Variants in NELL1 observed in about 807,000 individuals in gnomAD.
The protein encoded by NELL1 is neural EGFL like 1.
Under a neutral mutation model 107.4 loss-of-function variants are expected in NELL1, and 76 were observed. That is an observed-to-expected ratio of 0.71 (90% CI 0.59 to 0.86). The LOEUF (loss-of-function observed/expected upper bound fraction) is 0.86, where lower values mean the gene tolerates loss of function less well. NELL1 is among the 40% of genes least tolerant of loss of function. The pLI is 0.00. For missense variants in NELL1, 1,024 were observed against 1,005.5 expected, an observed-to-expected ratio of 1.02 and a Z score of -0.25; for synonymous variants, 353 against 341.2, an observed-to-expected ratio of 1.03 and a Z score of -0.38.
intron 4 of NELL1, among the ~76,000 whole-genome samples, chr11:20,857,735 A>G (rs1848909547): frequency 6.6e-6 from 1 of 152,224 alleles, no homozygotes; most frequent in South Asian, 2.1e-4. Context: ...GAGATGATGC[A>G]GGTGAGAGAG....
chr11:20,735,481 TACTC>T (rs1366639970), intron 2 of NELL1, among the ~76,000 whole-genome samples: 3 of 152,152 alleles, frequency 2.0e-5, no homozygotes, highest in Non-Finnish European at 4.4e-5. Flanking sequence ...TGTGAGAACT[TACTC>T]ACTATCATGA....
chr11:21,323,838 T>C (rs1850066947), intron 14 of NELL1, among the ~76,000 whole-genome samples: 1 of 152,160 alleles, frequency 6.6e-6, no homozygotes, highest in South Asian at 2.1e-4. Flanking sequence ...CCCCCTACTG[T>C]ACCCCAGAAG....
intron 14 of NELL1, among the ~76,000 whole-genome samples, chr11:21,232,707 G>A (rs1222664465): frequency 2.0e-5 from 3 of 152,140 alleles, no homozygotes; most frequent in African/African-American, 7.2e-5. Context: ...AGACTGGAGT[G>A]CAGTGGCTTG....
At chr11:21,148,191 G>GA (rs1303373788) in intron 13 of NELL1, among the ~76,000 whole-genome samples, 2 of 152,130 alleles carry the variant, frequency 1.3e-5, no homozygotes, top group African/African-American at 4.8e-5. Context: ...AAACCATTCA[G>GA]AAAAAATAAT....
Position 21,332,476 on chromosome 11 carries a change from C to G in NELL1, c.1550-38377C>G, listed in dbSNP as rs560208985. Among the ~76,000 whole-genome samples, 473 of 152,000 alleles carry G rather than the reference C, an allele frequency of 3.1e-3. 1 individual carries two copies. The highest frequency in any genetic ancestry group is 0.01 in the African/African-American group (424 of 41,518). ...TCTTGGGGATCCCTTTATTTGTATC[C>G]CTTCTATGTGTCATTATATCCTTTG... is the stretch of plus-strand genomic sequence containing the variant. On this transcript the variant is annotated intron_variant, in intron 14 of 19. Coordinates refer to ENST00000357134, the MANE Select transcript of NELL1 (RefSeq NM_006157.5).
intron 14 of NELL1, among the ~76,000 whole-genome samples, chr11:21,275,592 A>G (rs1485825144): frequency 6.6e-6 from 1 of 152,178 alleles, no homozygotes; most frequent in Non-Finnish European, 1.5e-5. Context: ...GCAGAGACAC[A>G]ACAAAAAAAG....
chr11:21,568,535 CTT>C (rs1857024413), intron 17 of NELL1, among the ~76,000 whole-genome samples: 1 of 150,754 alleles, frequency 6.6e-6, no homozygotes, highest in African/African-American at 2.5e-5. Flanking sequence ...CTTTTTGACT[CTT>C]GTGTAATAAC....
chr11:21,322,640 AAG>A (rs1850038983), intron 14 of NELL1, among the ~76,000 whole-genome samples: 1 of 152,080 alleles, frequency 6.6e-6, no homozygotes, highest in Non-Finnish European at 1.5e-5. Context: ...ATTTTTGTGC[AAG>A]TGTTGACTGT....
intron 13 of NELL1, among the ~76,000 whole-genome samples, chr11:21,131,370 G>A (rs1191363048): frequency 6.6e-6 from 1 of 152,170 alleles, no homozygotes; most frequent in Non-Finnish European, 1.5e-5. Flanking sequence ...GCAAGGAAAT[G>A]CGGTAGAGAG....
At chr11:21,455,055 T>C (rs1169058909) in intron 15 of NELL1, among the ~76,000 whole-genome samples, 1 of 152,222 alleles carries the variant, frequency 6.6e-6, no homozygotes, top group Non-Finnish European at 1.5e-5. Flanking sequence ...TCCATAAACT[T>C]TCAGTGTTCT....
At chr11:21,148,661 C>T (rs962084281) in intron 13 of NELL1, among the ~76,000 whole-genome samples, 1 of 152,064 alleles carries the variant, frequency 6.6e-6, no homozygotes, top group Non-Finnish European at 1.5e-5. Flanking sequence ...AAACAACCCC[C>T]CTGCACACCT....
intron 3 of NELL1, among the ~76,000 whole-genome samples, chr11:20,844,582 C>T (rs562719171): frequency 6.6e-6 from 1 of 152,288 alleles, no homozygotes; most frequent in South Asian, 2.1e-4. Flanking sequence ...CTAGATCAGC[C>T]TACTGTCACT....
chr11:21,486,970 G>A (rs1854649705), intron 15 of NELL1, among the ~76,000 whole-genome samples: 1 of 152,032 alleles, frequency 6.6e-6, no homozygotes, highest in Non-Finnish European at 1.5e-5. Flanking sequence ...TGGTGTTTGG[G>A]ACACCATAAA....
intron 14 of NELL1, among the ~76,000 whole-genome samples, chr11:21,247,391 A>G (rs189492555): frequency 1.9e-3 from 284 of 152,306 alleles, no homozygotes; most frequent in Non-Finnish European, 3.3e-3. Context: ...TAATTTCTTT[A>G]TAGCCTTATT....
chr11:21,325,156 G>A (rs1850101933), intron 14 of NELL1, among the ~76,000 whole-genome samples: 1 of 152,054 alleles, frequency 6.6e-6, no homozygotes, highest in East Asian at 1.9e-4. Context: ...CCATCACTCA[G>A]ATAAAGTACT....
intron 14 of NELL1, among the ~76,000 whole-genome samples, chr11:21,366,999 C>T (rs1464407956): frequency 6.6e-6 from 1 of 151,944 alleles, no homozygotes; most frequent in African/African-American, 2.4e-5. Flanking sequence ...GCAAACCCAC[C>T]TTCTCATTTT....
intron 15 of NELL1, among the ~76,000 whole-genome samples, chr11:21,490,645 ATGTAT>A (rs1176673464): frequency 6.6e-6 from 1 of 152,042 alleles, no homozygotes; most frequent in Non-Finnish European, 1.5e-5. Context: ...AAATAAATCC[ATGTAT>A]TTACAGCCAA....
chr11:21,465,773 T>C (rs544336202), intron 15 of NELL1, among the ~76,000 whole-genome samples: 37 of 152,226 alleles, frequency 2.4e-4, no homozygotes, highest in Non-Finnish European at 1.2e-4. Context: ...TTATCACTGC[T>C]ATTGTTCATA....
chr11:21,048,845 A>C (rs558006644), intron 12 of NELL1, among the ~76,000 whole-genome samples: 1 of 151,728 alleles, frequency 6.6e-6, no homozygotes, highest in Non-Finnish European at 1.5e-5. Flanking sequence ...GCTGCCCTTT[A>C]TTGTTCCAGC....
Sources: gnomAD v4.1 joint callset for allele counts (sites outside exome capture counted in the v4.1 genomes callset) on GRCh38, gnomAD v4.1.1 for gene constraint, MANE v1.5 for transcripts, NCBI Gene and HGNC (gene_info 2026-07-23, HGNC 2026-07-21) for gene names.